MUC4: variants seen among roughly 807,000 people sequenced by gnomAD.
The protein encoded by MUC4 is mucin 4, cell surface associated, also known as mucin-4.
In MUC4, 202 loss-of-function variants were observed where a neutral mutation model predicts 257.9. The ratio of observed to expected loss-of-function variants is 0.78; its 90% CI spans 0.70 to 0.88. MUC4 has a LOEUF of 0.88. Among genes scored for constraint, MUC4 ranks in the 40% least tolerant of loss-of-function variants. The probability of loss-of-function intolerance (pLI) is 0.00; values close to 1 mark genes in which losing one functional copy is unlikely to be tolerated. For synonymous variants in MUC4, 2,351 were observed against 2,757.1 expected (o/e 0.85, Z 4.62); for missense variants, 5,976 against 6,513.7 (o/e 0.92, Z 2.84).
intron 1 of MUC4, among the ~76,000 whole-genome samples, chr3:195,796,044 A>G (rs531171709): frequency 6.6e-6 from 1 of 152,076 alleles, no homozygotes; most frequent in Non-Finnish European, 1.5e-5. Flanking sequence ...GAATTAAGAA[A>G]AAAACCTGGC....
chr3:195,778,520 T>C (rs1194014247), intron 2 of MUC4, 65 bp from the exon 3 acceptor site: 1 of 1,582,392 alleles, frequency 6.3e-7, no homozygotes, highest in Non-Finnish European at 8.6e-7. Context: ...GTCAAAGAGA[T>C]TCAAAGAAAT....
At chr3:195,798,650 G>A (rs1014655184) in intron 1 of MUC4, among the ~76,000 whole-genome samples, 1 of 152,034 alleles carries the variant, frequency 6.6e-6, no homozygotes, top group Non-Finnish European at 1.5e-5. Flanking sequence ...CTTGCAGTGA[G>A]CCGAGATTGC....
At chr3:195,800,995 G>A (rs150443197) in intron 1 of MUC4, among the ~76,000 whole-genome samples, 61 of 151,808 alleles carry the variant, frequency 4.0e-4, no homozygotes, top group African/African-American at 1.4e-3. Flanking sequence ...TGGACCCCAC[G>A]TTCAGAAACA....
In MUC4 at chr3:195,779,487, G is replaced by A. The variant is rs1355927875; in HGVS notation, c.12093C>T (p.Thr4031=). The A allele has an allele frequency of 7.5e-5, 95 of 1,269,158 alleles. No individual in the cohort carries two copies. Among genetic ancestry groups the A allele is most frequent in the East Asian group, 3.2e-4 (10 of 31,640 alleles). The allele number at this position is 1,269,158 out of a possible 1,614,324, so 78.6% of individuals were successfully genotyped here. A position where few individuals can be genotyped will look rare whatever the true frequency, so the allele number is the denominator to read the frequency against. Residue 4031 remains threonine (T), a synonymous_variant, in exon 2 of 25, where the codon ACC becomes ACT. Transcript: ENST00000463781. ...SPSSASTGHA[T]PVPVTSTSSA... The stretch of plus-strand genomic sequence containing the variant: ...AGGAAGTGCTGGTGACAGGAACAGG[G>A]GTGGCGTGACCTGTGGATGCTGAGG...
At chr3:195,767,921 G>A (rs868026477) in intron 7 of MUC4, among the ~76,000 whole-genome samples, 1,743 of 65,916 alleles carry the variant, frequency 0.026, 96 homozygotes, top group African/African-American at 0.085. Context: ...CATCGCCACT[G>A]CCACCTCCAC....
Position 195,787,180 on chromosome 3 carries a change from G to A in MUC4, c.4400C>T (p.Thr1467Ile), listed in dbSNP as rs1166128191. 3.4e-6 allele frequency: 3 copies of A among 869,664 alleles called. No individual in the cohort carries two copies. Among genetic ancestry groups the A allele is most frequent in the African/African-American group, 5.0e-5 (1 of 20,120 alleles). 53.9% of individuals were successfully genotyped at this position (869,664 alleles called of 1,614,324 possible). The part of the protein sequence containing the change: ...LPVTDTSSAS[T>I]GQATSLLVTD... ...GACAAGAAGAGAGGTGGCCTGACCT[G>A]TGGATGCTGAGGAAGTGTCGGTGAC... The change falls in exon 2 of 25, where the codon ACA becomes ATA. Residue 1467 changes from threonine to isoleucine, a missense_variant. Transcript: ENST00000463781.
chr3:195,760,335 C>T (rs538934258), intron 16 of MUC4, among the ~76,000 whole-genome samples: 5 of 152,268 alleles, frequency 3.3e-5, no homozygotes, highest in South Asian at 2.1e-4. Flanking sequence ...GAGGGGCAAG[C>T]GTGTGGCTGT....
rs1560263883 is a variant in MUC4, at chr3:195,767,713, G to GCCACCACC, written c.13530-963_13530-962insGGTGGTGG. Among the ~76,000 whole-genome samples, 12 of 1,490 alleles carry GCCACCACC rather than the reference G, an allele frequency of 8.1e-3. 3 individuals are homozygous for GCCACCACC. The highest frequency in any genetic ancestry group is 0.018 in the Admixed American group (3 of 170). The allele number at this position is 1,490 out of a possible 152,430, so 1.0% of individuals were successfully genotyped here. On this transcript the variant is annotated intron_variant, in intron 7 of 24. Transcript: ENST00000463781. ...CCACCCCCCAAAAAATACCACCATC[G>GCCACCACC]GCCACCACCACCATCACCACCACCA...
At chr3:195,778,477 G>A (rs1472776199) in intron 2 of MUC4, 22 bp from the exon 3 acceptor site, 7 of 1,608,864 alleles carry the variant, frequency 4.4e-6, no homozygotes, top group Admixed American at 1.7e-5. Context: ...AAAAGACAAG[G>A]CGGGGTGTTT....
In MUC4 at chr3:195,757,725, A is replaced by G. The variant is rs1717943510; in HGVS notation, c.14987-397T>C. ...CTGGCTTCACTCTCACGGCAGCCCC[A>G]TCCTTTGCCCTGATTTCTCACCCAC... On this transcript the variant is annotated intron_variant, in intron 17 of 24. Coordinates refer to ENST00000463781, the MANE Select transcript of MUC4 (RefSeq NM_018406.7). This position sits in a 1 kb window ranked among gnomAD's most constrained non-coding sequence, Gnocchi z 4.8. Among the ~76,000 whole-genome samples, 1 of 152,086 alleles carries G rather than the reference A, an allele frequency of 6.6e-6. No homozygotes were observed. Among genetic ancestry groups the G allele is most frequent in the African/African-American group, 2.4e-5 (1 of 41,412 alleles).
rs147434563 is a variant in MUC4, at chr3:195,778,601, A to G, written c.12791-146T>C. On this transcript the variant is annotated intron_variant, in intron 2 of 24. Coordinates refer to ENST00000463781, the MANE Select transcript of MUC4 (RefSeq NM_018406.7). ...TCATATCCAAACTACTCTCGACATC[A>G]GTGCTTTTCGATTGCGGCACAAAGG... 274 of 1,302,606 alleles carry G rather than the reference A, an allele frequency of 2.1e-4. 3 individuals are homozygous for G. The Middle Eastern group carries it at 3.4e-3, about 16-fold the overall frequency. 80.7% of individuals were successfully genotyped at this position (1,302,606 alleles called of 1,614,324 possible). A position where few individuals can be genotyped will look rare whatever the true frequency, so the allele number is the denominator to read the frequency against.
chr3:195,763,684 G>A (rs969269895), intron 11 of MUC4, 43 bp from the exon 12 acceptor site: 2 of 1,446,904 alleles, frequency 1.4e-6, no homozygotes, highest in Non-Finnish European at 1.8e-6. Context: ...GACAAATCAT[G>A]TGTAGGGCTG....
At position 195,788,475 on chromosome 3, in the gene MUC4, T is replaced by G. The variant is rs2149032523; in HGVS notation, c.3105A>C (p.Thr1035=). 1 of 1,544,420 alleles carries G rather than the reference T, an allele frequency of 6.5e-7. No homozygotes were observed. The highest frequency in any genetic ancestry group is 8.7e-7 in the Non-Finnish European group (1 of 1,143,506). ...TGACAGGAAGAGGGGTGACGTGACC[T>G]GTGGATTCTGAGGAAGTGTCGGTGA... ...LPVTDTSSES[T]GHVTPLPVTS... The change falls in exon 2 of 25, where the codon ACA becomes ACC. Residue 1035 remains threonine, a synonymous_variant. Coordinates refer to ENST00000463781, the MANE Select transcript of MUC4 (RefSeq NM_018406.7).
At chr3:195,767,805 TCAC>T (rs1304819713) in intron 7 of MUC4, among the ~76,000 whole-genome samples, 5 of 33,684 alleles carry the variant, frequency 1.5e-4, no homozygotes, top group South Asian at 9.7e-4. Flanking sequence ...ACCACCATCA[TCAC>T]CACCATCACC....
chr3:195,781,139 C>G lies in MUC4; in HGVS notation c.10441G>C (p.Ala3481Pro), dbSNP rs61388923. 2 of 1,382,618 alleles carry G rather than the reference C, an allele frequency of 1.4e-6. No homozygotes were observed. Among genetic ancestry groups the G allele is most frequent in the South Asian group, 1.4e-5 (1 of 72,962 alleles). The allele number at this position is 1,382,618 out of a possible 1,614,324, so 85.6% of individuals were successfully genotyped here. Reference sequence around the variant, plus strand: ...AGAGGGGTGGTGTGACCTGTAGATGCTGAGGAAGGGCTGGTGACAGGAAGA... The same window carrying G: ...AGAGGGGTGGTGTGACCTGTAGATGGTGAGGAAGGGCTGGTGACAGGAAGA... ...TPLPVTSPSS[A>P]STGHTTPLHV... is the part of the protein sequence containing the mutation. Residue 3481 changes from alanine (A) to proline (P), a missense_variant, in exon 2 of 25, where the codon GCA becomes CCA. This residue lies in a region of MUC4 where 297 missense variants were observed against 240.9 expected (regional missense o/e 1.23). Coordinates refer to ENST00000463781, the MANE Select transcript of MUC4 (RefSeq NM_018406.7).
At chr3:195,792,515 G>A (rs1242178523) in intron 1 of MUC4, among the ~76,000 whole-genome samples, 2 of 152,160 alleles carry the variant, frequency 1.3e-5, no homozygotes, top group South Asian at 2.1e-4. Flanking sequence ...AAATAGGAAC[G>A]CTTTTACACT....
At chr3:195,770,433 CCA>C in intron 5 of MUC4, 62 bp from the exon 6 acceptor site, 1 of 1,587,666 alleles carries the variant, frequency 6.3e-7, no homozygotes, top group Non-Finnish European at 8.6e-7. Flanking sequence ...CATGGGCCCC[CCA>C]CTTTCTGCCT....
chr3:195,748,879 C>T lies in MUC4; in HGVS notation c.16034+23G>A, dbSNP rs767668947. 40 of 1,543,886 alleles carry T rather than the reference C, an allele frequency of 2.6e-5. No homozygotes were observed. The South Asian group carries it at 4.6e-4, about 18-fold the overall frequency. The stretch of plus-strand genomic sequence containing the variant: ...TGGGTTCCCCAGCACTGTCCTCCAC[C>T]TCCTGGCCACAGCCCTATGCACCTG... On this transcript the variant is annotated intron_variant, in intron 24 of 24. Transcript: ENST00000463781.
chr3:195,770,053 C>T (rs1164447246), intron 6 of MUC4, among the ~76,000 whole-genome samples, 163 bp downstream of exon 6: 2 of 147,762 alleles, frequency 1.4e-5, no homozygotes, highest in African/African-American at 2.5e-5. Context: ...GGTGAGTGCT[C>T]AGCCAACAGT....
Sources: allele counts gnomAD v4.1 joint callset (sites outside exome capture counted in the v4.1 genomes callset), GRCh38; gene constraint gnomAD v4.1.1; regional missense constraint gnomAD v4.1.1; non-coding constraint Gnocchi (gnomAD v3.1); transcripts MANE v1.5; gene names NCBI Gene and HGNC (gene_info 2026-07-23, HGNC 2026-07-21).